Variants in COL23A1 observed in about 807,000 individuals in gnomAD.
COL23A1 encodes the protein collagen alpha-1(XXIII) chain.
Under a neutral mutation model 99.3 loss-of-function variants are expected in COL23A1, and 97 were observed. The observed-to-expected ratio is 0.98, with a 90% CI of 0.83 to 1.16. COL23A1 has a LOEUF of 1.16. Among genes scored for constraint, COL23A1 ranks in the 50% most tolerant of loss-of-function variants. COL23A1 has a pLI of 0.00. For synonymous variants in COL23A1, 320 were observed against 308.2 expected (o/e 1.04, Z -0.40); for missense variants, 762 against 757.4 (o/e 1.01, Z -0.07).
At chr5:178,451,677 T>C (rs965454647) in intron 2 of COL23A1, among the ~76,000 whole-genome samples, 6 of 78,570 alleles carry the variant, frequency 7.6e-5, no homozygotes, top group Admixed American at 6.9e-4. Context: ...AAAAAAAAAA[T>C]TAACACGGAA....
intron 2 of COL23A1, among the ~76,000 whole-genome samples, chr5:178,523,257 C>CAGAGAGAGAGAGAGAG (rs70997610): frequency 9.2e-6 from 1 of 108,354 alleles, no homozygotes; most frequent in African/African-American, 3.4e-5. Flanking sequence ...GAGAGAGAGA[C>CAGAGAGAGAGAGAGAG]AGAGAGAGAG....
At position 178,313,714 on chromosome 5, in the gene COL23A1, C is replaced by T. The variant is rs147296221; in HGVS notation, c.362-6795G>A. Among the ~76,000 whole-genome samples the T allele has an allele frequency of 6.6e-6, 1 of 152,214 alleles. No individual in the cohort carries two copies. Among genetic ancestry groups the T allele is most frequent in the African/African-American group, 2.4e-5 (1 of 41,504 alleles). On this transcript the variant is annotated intron_variant, in intron 2 of 28. Coordinates refer to ENST00000390654, the MANE Select transcript of COL23A1 (RefSeq NM_173465.4). The surrounding 1 kb of genome is among the most constrained non-coding windows in gnomAD (Gnocchi z 4.2). ...GTCCTTCTCAACACCACTGGAAGCC[C>T]CTTTATATGACCCTCTTCCCAGAAC...
At chr5:178,379,796 G>C (rs557631675) in intron 2 of COL23A1, among the ~76,000 whole-genome samples, 3 of 151,780 alleles carry the variant, frequency 2.0e-5, no homozygotes, top group Admixed American at 6.6e-5. Context: ...CAGGAGAATT[G>C]CTTGAACCCA....
chr5:178,581,001 C>CT (rs1763633615), intron 1 of COL23A1, among the ~76,000 whole-genome samples: 1 of 152,170 alleles, frequency 6.6e-6, no homozygotes, highest in Non-Finnish European at 1.5e-5. Flanking sequence ...GAGCGAGACT[C>CT]TATCTCAAAA....
intron 10 of COL23A1, 135 bp from the exon 11 acceptor site, chr5:178,261,883 G>C: frequency 1.3e-6 from 1 of 775,194 alleles, no homozygotes; most frequent in Non-Finnish European, 2.2e-6. Flanking sequence ...TCAGAAGCAG[G>C]CTGGAGCTGC....
chr5:178,245,958 C>G lies in COL23A1; in HGVS notation c.1424G>C (p.Gly475Ala). 2 of 1,614,146 alleles carry G rather than the reference C, an allele frequency of 1.2e-6. No homozygotes were observed. Among genetic ancestry groups the G allele is most frequent in the Non-Finnish European group, 1.7e-6 (2 of 1,180,022 alleles). ...PGTKGEKGRPGEPGLDGFPGP... is the reference protein window; with the variant it reads ...PGTKGEKGRPAEPGLDGFPGP... ...GACACTTACATCTAGTCCTGGCTCC[C>G]CGGGTCTGCCCTGAGGAGAGACACA... The change falls in exon 25 of 29, where the codon GGG becomes GCG. Residue 475 changes from glycine (G) to alanine (A), a missense_variant. Physicochemically the swap from Gly to Ala is moderately conservative, Grantham distance 60 (BLOSUM62 0). Transcript: ENST00000390654.
intron 2 of COL23A1, among the ~76,000 whole-genome samples, chr5:178,502,077 CATGATCA>C (rs1378891408): frequency 6.6e-6 from 1 of 152,240 alleles, no homozygotes; most frequent in Admixed American, 6.5e-5. Flanking sequence ...AAGCTGCTTC[CATGATCA>C]ATGATCTGTA....
intron 2 of COL23A1, among the ~76,000 whole-genome samples, chr5:178,343,032 G>C (rs1422144973): frequency 6.6e-6 from 1 of 152,206 alleles, no homozygotes; most frequent in Non-Finnish European, 1.5e-5. Context: ...AGTGAACACT[G>C]AAATTTTGAG....
At chr5:178,496,305 C>G (rs899112038) in intron 2 of COL23A1, among the ~76,000 whole-genome samples, 3 of 152,090 alleles carry the variant, frequency 2.0e-5, no homozygotes, top group African/African-American at 7.2e-5. Flanking sequence ...CTCACTCTGC[C>G]CCTGCTCCAC....
At chr5:178,311,920 C>A (rs1048385953) in intron 2 of COL23A1, among the ~76,000 whole-genome samples, 3 of 151,626 alleles carry the variant, frequency 2.0e-5, no homozygotes, top group Non-Finnish European at 4.4e-5. Flanking sequence ...TAGTAGAGAC[C>A]GAGTTTCACC....
At chr5:178,570,235 C>G (rs573495581) in intron 1 of COL23A1, among the ~76,000 whole-genome samples, 75 of 151,964 alleles carry the variant, frequency 4.9e-4, no homozygotes, top group Non-Finnish European at 8.5e-4. Flanking sequence ...ACCTCAGCCT[C>G]CCAAGTAGTT....
intron 3 of COL23A1, among the ~76,000 whole-genome samples, chr5:178,293,040 G>C (rs1757545529): frequency 6.6e-6 from 1 of 152,028 alleles, no homozygotes; most frequent in African/African-American, 2.4e-5. Context: ...TGATGGGAGA[G>C]GGTTTCAGAG....
At position 178,394,484 on chromosome 5, in the gene COL23A1, G is replaced by A. The variant is rs921470085; in HGVS notation, c.362-87565C>T. ...AGGAAGACAACTGTATTGACAGCAC[G>A]GGGTACTTTTCCTGCTCCAAGAAAT... is the stretch of plus-strand genomic sequence containing the variant. On this transcript the variant is annotated intron_variant, in intron 2 of 28. Transcript: ENST00000390654. 2.0e-5 allele frequency among the ~76,000 whole-genome samples: 3 copies of A among 152,208 alleles called. No individual in the cohort carries two copies. The East Asian group carries it at 5.8e-4, about 29-fold the overall frequency.
At chr5:178,359,996 C>T (rs1002830425) in intron 2 of COL23A1, among the ~76,000 whole-genome samples, 7 of 152,162 alleles carry the variant, frequency 4.6e-5, no homozygotes, top group Non-Finnish European at 1.0e-4. Context: ...TTTCCTGAGG[C>T]CAGAGCCTCG....
At chr5:178,526,748 G>C (rs1366759350) in intron 2 of COL23A1, among the ~76,000 whole-genome samples, 1 of 152,130 alleles carries the variant, frequency 6.6e-6, no homozygotes, top group Non-Finnish European at 1.5e-5. Context: ...CCCCGAATGT[G>C]GATTCAAACT....
At chr5:178,486,819 C>T (rs1757657079) in intron 2 of COL23A1, among the ~76,000 whole-genome samples, 1 of 152,186 alleles carries the variant, frequency 6.6e-6, no homozygotes, top group Non-Finnish European at 1.5e-5. Context: ...CTCACAGGAA[C>T]CTACTGTGTC....
intron 2 of COL23A1, among the ~76,000 whole-genome samples, chr5:178,545,907 T>C (rs1196836526): frequency 6.6e-6 from 1 of 152,154 alleles, no homozygotes; most frequent in African/African-American, 2.4e-5. Flanking sequence ...AACAAACCCA[T>C]AGGGTACATC....
At chr5:178,532,807 A>C (rs560865918) in intron 2 of COL23A1, among the ~76,000 whole-genome samples, 22 of 152,342 alleles carry the variant, frequency 1.4e-4, no homozygotes, top group Non-Finnish European at 2.8e-4. Flanking sequence ...GAGGTAGGAA[A>C]GACAAGAGCA....
intron 2 of COL23A1, among the ~76,000 whole-genome samples, chr5:178,483,995 T>C (rs969760849): frequency 1.3e-5 from 2 of 152,090 alleles, no homozygotes; most frequent in African/African-American, 4.8e-5. Context: ...TGGAGTGCAA[T>C]GGCATGATCT....
Sources: gnomAD v4.1 joint callset for allele counts (sites outside exome capture counted in the v4.1 genomes callset) on GRCh38, gnomAD v4.1.1 for gene constraint, Gnocchi (gnomAD v3.1) non-coding constraint, MANE v1.5 for transcripts, NCBI Gene and HGNC (gene_info 2026-07-23, HGNC 2026-07-21) for gene names.